Variants in GPM6A observed in about 807,000 individuals in gnomAD.
GPM6A encodes glycoprotein M6A, also known as neuronal membrane glycoprotein M6-a.
A neutral mutation model predicts 32.1 loss-of-function variants in GPM6A; 7 were observed. The observed-to-expected ratio is 0.22, with a 90% CI of 0.12 to 0.41. GPM6A has a LOEUF of 0.41. Ranked by LOEUF, GPM6A falls within the 10% of genes least tolerant of loss-of-function variation. The pLI is 1.00. For synonymous variants in GPM6A, 130 were observed against 123.4 expected, an observed-to-expected ratio of 1.05 and a Z score of -0.35; for missense variants, 235 against 347.2, an observed-to-expected ratio of 0.68 and a Z score of 2.57.
At position 175,848,868 on chromosome 4, in the gene GPM6A, A is replaced by T. The variant is rs191683649; in HGVS notation, c.-22-36619T>A. Reference sequence around the variant, plus strand: ...CTATTACAATTTTTGGAATTTTTAAAAATCTCCGTGTGCAAATAAAAGGAA... The same window carrying T: ...CTATTACAATTTTTGGAATTTTTAATAATCTCCGTGTGCAAATAAAAGGAA... On this transcript the variant is annotated intron_variant, in intron 1 of 7. Transcript: ENST00000280187. Among the ~76,000 whole-genome samples the T allele has an allele frequency of 2.4e-3, 360 of 151,764 alleles. 1 individual carries two copies. Among genetic ancestry groups the T allele is most frequent in the African/African-American group, 8.3e-3 (342 of 41,442 alleles).
At chr4:175,635,270 GT>G (rs1159737071) in intron 6 of GPM6A, among the ~76,000 whole-genome samples, 1 of 151,950 alleles carries the variant, frequency 6.6e-6, no homozygotes, top group Non-Finnish European at 1.5e-5. Context: ...ATTTCTTTCA[GT>G]ATCTCTTTCT....
rs374327561 is a variant in GPM6A at position 175,634,983 on chromosome 4, G to A, written c.759C>T (p.Asp253=). ...KDACRMQKYE[D]IKSKEEQELH... The stretch of plus-strand genomic sequence containing the variant: ...GCTCTTGCTCTTCCTTCGACTTGAT[G>A]TCTTCATACTTCTGCATCCGGCAGG... The change falls in exon 7 of 7, where the codon GAC becomes GAT. Residue 253 remains aspartate (D), a synonymous_variant. Transcript: ENST00000393658. 49 of 1,613,580 alleles carry A rather than the reference G, an allele frequency of 3.0e-5. No homozygotes were observed. Among genetic ancestry groups the A allele is most frequent in the Non-Finnish European group, 4.0e-5 (47 of 1,179,682 alleles).
At chr4:175,789,720 T>C (rs1424660275) in intron 1 of GPM6A, among the ~76,000 whole-genome samples, 2 of 152,148 alleles carry the variant, frequency 1.3e-5, no homozygotes, top group Non-Finnish European at 2.9e-5. Flanking sequence ...TATTAGTGAG[T>C]GATACCATCA....
At chr4:175,721,345 G>A (rs1746123529) in intron 1 of GPM6A, among the ~76,000 whole-genome samples, 1 of 151,450 alleles carries the variant, frequency 6.6e-6, no homozygotes, top group Non-Finnish European at 1.5e-5. Context: ...GTGTGGTGGT[G>A]CATGCCTGTA....
chr4:175,944,964 G>A (rs907579391), intron 1 of GPM6A, among the ~76,000 whole-genome samples: 2 of 151,664 alleles, frequency 1.3e-5, no homozygotes, highest in African/African-American at 4.8e-5. Context: ...TGTTTTTTCG[G>A]TCCCCAAACC....
At chr4:175,707,220 A>G (rs1016677612) in intron 1 of GPM6A, among the ~76,000 whole-genome samples, 1 of 152,190 alleles carries the variant, frequency 6.6e-6, no homozygotes, top group Non-Finnish European at 1.5e-5. Flanking sequence ...ACCTTGCTCT[A>G]TGGGCTTGCC....
intron 1 of GPM6A, among the ~76,000 whole-genome samples, chr4:175,838,603 A>G (rs569272137): frequency 1.5e-4 from 22 of 151,036 alleles, no homozygotes; most frequent in African/African-American, 5.1e-4. Flanking sequence ...CCATTAGGAA[A>G]ACTTTATGTG....
chr4:175,688,756 T>C (rs73020156), intron 2 of GPM6A, among the ~76,000 whole-genome samples: 7,594 of 152,322 alleles, frequency 0.05, 218 homozygotes, highest in Non-Finnish European at 0.063. Flanking sequence ...ATACCACATG[T>C]GCCCCACAAA....
intron 1 of GPM6A, among the ~76,000 whole-genome samples, chr4:175,779,403 T>C (rs1039816562): frequency 2.0e-5 from 3 of 152,220 alleles, no homozygotes; most frequent in African/African-American, 7.2e-5. Flanking sequence ...CCAAAGCACG[T>C]TATATTTCAC....
chr4:175,928,056 A>T (rs1738905333), intron 1 of GPM6A, among the ~76,000 whole-genome samples: 1 of 152,124 alleles, frequency 6.6e-6, no homozygotes, highest in South Asian at 2.1e-4. Flanking sequence ...TTTAAGGAGG[A>T]CGTGAAACTG....
At chr4:175,812,475 A>T, upstream of GPM6A, 1 of 1,226,984 alleles carries the variant, frequency 8.2e-7, no homozygotes, top group Non-Finnish European at 1.0e-6. Flanking sequence ...AAGATTATCA[A>T]TTTTTCTTCT....
chr4:175,695,955 T>C (rs1358671444), intron 2 of GPM6A, among the ~76,000 whole-genome samples: 1 of 152,092 alleles, frequency 6.6e-6, no homozygotes, highest in Non-Finnish European at 1.5e-5. Flanking sequence ...GCTCTGGAGA[T>C]AGTGAGTGAG....
chr4:175,677,273 A>G lies in GPM6A; in HGVS notation c.231-3437T>C, dbSNP rs910420218. Reference sequence around the variant, plus strand: ...TCATTGTGTAACTACTGTTTAGGCTATAAATTTGGCCTGAAATGTTATGTT... The same window carrying G: ...TCATTGTGTAACTACTGTTTAGGCTGTAAATTTGGCCTGAAATGTTATGTT... On this transcript the variant is annotated intron_variant, in intron 2 of 6. Transcript: ENST00000393658. 6.6e-5 allele frequency among the ~76,000 whole-genome samples: 10 copies of G among 152,324 alleles called. No homozygotes were observed. In the East Asian group the frequency reaches 1.9e-3, roughly 29 times the overall value.
intron 6 of GPM6A, 67 bp from the exon 7 acceptor site, chr4:175,635,124 CG>C: frequency 8.4e-7 from 1 of 1,196,262 alleles, no homozygotes; most frequent in Non-Finnish European, 1.2e-6. Context: ...CTTGCTATCT[CG>C]AAAGAAGTCT....
intron 1 of GPM6A, among the ~76,000 whole-genome samples, chr4:175,926,098 C>T (rs1043455833): frequency 3.3e-5 from 5 of 152,034 alleles, no homozygotes; most frequent in South Asian, 4.1e-4. Flanking sequence ...ATGATCTGCC[C>T]GCCTTGGCCT....
chr4:175,754,640 C>T (rs1430458522), intron 1 of GPM6A, among the ~76,000 whole-genome samples: 2 of 152,096 alleles, frequency 1.3e-5, no homozygotes, highest in Non-Finnish European at 2.9e-5. Context: ...CTTCTAAGCA[C>T]AATAACACTC....
chr4:175,691,777 A>G (rs1274238038), intron 2 of GPM6A, among the ~76,000 whole-genome samples: 1 of 152,186 alleles, frequency 6.6e-6, no homozygotes. Context: ...TGATTAAATT[A>G]ATGATATTGA....
chr4:175,966,439 C>A (rs1170112359), intron 1 of GPM6A, among the ~76,000 whole-genome samples: 1 of 148,716 alleles, frequency 6.7e-6, no homozygotes, highest in African/African-American at 2.4e-5. Context: ...ATATATATTT[C>A]AAAATATTAT....
chr4:176,000,850 A>G (rs1741453961), intron 1 of GPM6A, among the ~76,000 whole-genome samples: 2 of 152,122 alleles, frequency 1.3e-5, no homozygotes, highest in South Asian at 4.1e-4. Context: ...AGCCTGAAAT[A>G]CTCTCTGCCA....
Sources: gnomAD v4.1 joint callset for allele counts (sites outside exome capture counted in the v4.1 genomes callset) on GRCh38, gnomAD v4.1.1 for gene constraint, MANE v1.5 for transcripts, NCBI Gene and HGNC (gene_info 2026-07-23, HGNC 2026-07-21) for gene names.